NAALADL2: variants seen among roughly 807,000 people sequenced by gnomAD.
NAALADL2 encodes N-acetylated alpha-linked acidic dipeptidase like 2.
Under a neutral mutation model 87.2 loss-of-function variants are expected in NAALADL2, and 76 were observed. That is an observed-to-expected ratio of 0.87 (90% CI 0.72 to 1.05). The LOEUF (loss-of-function observed/expected upper bound fraction) is 1.05. Among genes scored for constraint, NAALADL2 ranks in the 50% least tolerant of loss-of-function variants. NAALADL2 has a pLI of 0.00. For synonymous variants in NAALADL2, 354 were observed against 331.0 expected (o/e 1.07, Z -0.75); for missense variants, 1,089 against 945.8 (o/e 1.15, Z -1.99).
chr3:174,468,503 C>T (rs539218485), intron 1 of NAALADL2, among the ~76,000 whole-genome samples: 1 of 150,674 alleles, frequency 6.6e-6, no homozygotes, highest in South Asian at 2.1e-4. Context: ...GTCCCAGCCT[C>T]CCAAGTAGCT....
intron 11 of NAALADL2, among the ~76,000 whole-genome samples, chr3:175,688,350 A>T (rs1411241293): frequency 2.0e-5 from 3 of 152,140 alleles, no homozygotes; most frequent in Non-Finnish European, 2.9e-5. Flanking sequence ...AAAGAACAAG[A>T]TTATTGAATA....
chr3:175,767,329 A>T (rs547950332), intron 13 of NAALADL2, among the ~76,000 whole-genome samples: 1 of 152,332 alleles, frequency 6.6e-6, no homozygotes, highest in African/African-American at 2.4e-5. Context: ...AATTAGAGCT[A>T]AATTTAATAC....
chr3:175,594,520 T>C (rs996546231), intron 10 of NAALADL2, among the ~76,000 whole-genome samples: 3 of 152,306 alleles, frequency 2.0e-5, no homozygotes. Flanking sequence ...CCCTTGGGTA[T>C]GTACCCAGTA....
chr3:174,824,603 A>C (rs1721784176), intron 3 of NAALADL2, among the ~76,000 whole-genome samples: 1 of 152,208 alleles, frequency 6.6e-6, no homozygotes, highest in Non-Finnish European at 1.5e-5. Context: ...TATAACCAAC[A>C]ATGAATATAA....
At chr3:175,052,126 A>G (rs1036297556) in intron 1 of NAALADL2, among the ~76,000 whole-genome samples, 1 of 152,200 alleles carries the variant, frequency 6.6e-6, no homozygotes, top group African/African-American at 2.4e-5. Context: ...TCCTTATGGG[A>G]AATAAAGGGA....
chr3:175,048,305 A>C (rs897411824), intron 1 of NAALADL2, among the ~76,000 whole-genome samples: 1 of 152,294 alleles, frequency 6.6e-6, no homozygotes, highest in African/African-American at 2.4e-5. Context: ...GAAGAAAGGG[A>C]GAAAATGGCT....
intron 1 of NAALADL2, among the ~76,000 whole-genome samples, chr3:174,959,479 C>T (rs189908067): frequency 7.9e-5 from 12 of 152,012 alleles, no homozygotes; most frequent in Non-Finnish European, 1.3e-4. Flanking sequence ...GGCACTAGTG[C>T]GGTGAGTTCA....
chr3:175,455,736 G>A lies in NAALADL2; in HGVS notation c.1235-7665G>A, dbSNP rs189527413. Among the ~76,000 whole-genome samples the A allele has an allele frequency of 8.5e-5, 13 of 152,070 alleles. No homozygotes were observed. The East Asian group carries it at 1.2e-3, about 14-fold the overall frequency. On this transcript the variant is annotated intron_variant, in intron 6 of 13. Transcript: ENST00000454872. ...GAAGCAGTTTATATTCAGATTTTCC[G>A]GCAAACAGTTGGCATTTAGGAAAGA...
At chr3:175,277,794 C>T (rs1753790452) in intron 4 of NAALADL2, among the ~76,000 whole-genome samples, 1 of 152,092 alleles carries the variant, frequency 6.6e-6, no homozygotes, top group Non-Finnish European at 1.5e-5. Flanking sequence ...ATTTACCCTC[C>T]TATCTCAGGA....
intron 11 of NAALADL2, among the ~76,000 whole-genome samples, chr3:175,667,233 A>AAGAAAGAAAGAAAG (rs1553945341): frequency 9.3e-4 from 103 of 110,238 alleles, no homozygotes; most frequent in Non-Finnish European, 1.4e-3. Context: ...GAAAGAAAGA[A>AAGAAAGAAAGAAAG]AGAAAGAAAA....
chr3:175,126,769 A>C (rs1275994392), intron 2 of NAALADL2, among the ~76,000 whole-genome samples: 1 of 152,122 alleles, frequency 6.6e-6, no homozygotes, highest in African/African-American at 2.4e-5. Context: ...AAATATTTGC[A>C]ACAGAAATCT....
intron 3 of NAALADL2, among the ~76,000 whole-genome samples, chr3:175,241,197 T>TC (rs1179108680): frequency 1.3e-5 from 2 of 150,630 alleles, no homozygotes; most frequent in South Asian, 2.1e-4. Flanking sequence ...AATTCCATAA[T>TC]TGCTTCTTTC....
intron 4 of NAALADL2, 31 bp downstream of exon 4, chr3:175,256,561 G>A (rs972611076): frequency 5.0e-6 from 8 of 1,598,088 alleles, no homozygotes; most frequent in Non-Finnish European, 6.0e-6. Flanking sequence ...TCAGTGGTTT[G>A]GTCAATATTT....
chr3:174,873,731 AATTAT>A (rs1434735519), intron 1 of NAALADL2, among the ~76,000 whole-genome samples: 1 of 151,824 alleles, frequency 6.6e-6, no homozygotes, highest in Non-Finnish European at 1.5e-5. Flanking sequence ...TTATCCTGGG[AATTAT>A]ATTTAAGTCA....
intron 1 of NAALADL2, among the ~76,000 whole-genome samples, chr3:174,875,842 A>T (rs967298405): frequency 6.6e-6 from 1 of 152,164 alleles, no homozygotes; most frequent in Non-Finnish European, 1.5e-5. Flanking sequence ...TTCATTTTAC[A>T]TGGACCATTA....
intron 1 of NAALADL2, among the ~76,000 whole-genome samples, chr3:175,091,995 C>T (rs191018821): frequency 4.6e-5 from 7 of 151,696 alleles, no homozygotes; most frequent in East Asian, 1.9e-4. Flanking sequence ...TTGTAAGCTC[C>T]GAATATTTCT....
Position 175,125,759 on chromosome 3 carries a change from A to G in NAALADL2, c.545+28468A>G, listed in dbSNP as rs149287267. Among the ~76,000 whole-genome samples, 969 of 152,216 alleles carry G rather than the reference A, an allele frequency of 6.4e-3. 4 individuals are homozygous for G. The highest frequency in any genetic ancestry group is 0.01 in the Middle Eastern group (3 of 292). ...ACATCCAAGAACATATGTTAAGTGC[A>G]TAGTTCAGCAGAGTCTATTTTGGAG... On this transcript the variant is annotated intron_variant, in intron 2 of 13. Transcript: ENST00000454872.
chr3:175,337,731 T>C (rs1259805627), intron 5 of NAALADL2, among the ~76,000 whole-genome samples: 2 of 152,172 alleles, frequency 1.3e-5, no homozygotes, highest in African/African-American at 4.8e-5. Flanking sequence ...ACAAACAGCT[T>C]CTTTGACTTT....
chr3:174,679,898 T>G (rs963472234), intron 2 of NAALADL2, among the ~76,000 whole-genome samples: 5 of 152,196 alleles, frequency 3.3e-5, no homozygotes, highest in African/African-American at 1.2e-4. Context: ...AATGTTTTGT[T>G]GAAATATGTA....
Sources: gnomAD v4.1 joint callset for allele counts (sites outside exome capture counted in the v4.1 genomes callset) on GRCh38, gnomAD v4.1.1 for gene constraint, MANE v1.5 for transcripts, NCBI Gene and HGNC (gene_info 2026-07-23, HGNC 2026-07-21) for gene names.